The following PPP6R2 variants were observed in gnomAD, a reference collection of about 807,000 sequenced individuals.
The protein encoded by PPP6R2 is serine/threonine-protein phosphatase 6 regulatory subunit 2.
Under a neutral mutation model 100.2 loss-of-function variants are expected in PPP6R2, and 62 were observed. That is an observed-to-expected ratio of 0.62 (90% CI 0.50 to 0.76). The LOEUF (loss-of-function observed/expected upper bound fraction) is 0.76. Ranked by LOEUF, PPP6R2 falls within the 30% of genes least tolerant of loss-of-function variation. The probability of loss-of-function intolerance (pLI) is 0.00; values close to 1 mark genes in which losing one functional copy is unlikely to be tolerated. For missense variants in PPP6R2, 1,142 were observed against 1,276.3 expected, an observed-to-expected ratio of 0.89 and a Z score of 1.60; for synonymous variants, 525 against 514.7, an observed-to-expected ratio of 1.02 and a Z score of -0.27.
At chr22:50,336,116 C>T in the PPP6R2 span, among the ~76,000 whole-genome samples, 1 of 151,814 alleles carries the variant, frequency 6.6e-6, no homozygotes, top group East Asian at 1.9e-4. Context: ...TCCTGAGTAG[C>T]TGGGATTACA....
chr22:50,426,851 A>G (rs1158477813), intron 10 of PPP6R2, among the ~76,000 whole-genome samples: 1 of 146,810 alleles, frequency 6.8e-6, no homozygotes, highest in African/African-American at 2.5e-5. Flanking sequence ...AAAAAAAAAA[A>G]CACCGTCCTT....
At chr22:50,421,084 CTT>C (rs1363024336) in intron 8 of PPP6R2, among the ~76,000 whole-genome samples, 5 of 151,928 alleles carry the variant, frequency 3.3e-5, no homozygotes, top group East Asian at 1.9e-4. Flanking sequence ...TTAGGACTCT[CTT>C]TCTCTCTCTC....
chr22:50,350,123 GA>G (rs983380327), intron 1 of PPP6R2, among the ~76,000 whole-genome samples: 5 of 149,964 alleles, frequency 3.3e-5, no homozygotes, highest in African/African-American at 7.3e-5. Context: ...GTCTCAAAAA[GA>G]AAAAAAAAGA....
chr22:50,341,320 C>T (rs1193308728), upstream of PPP6R2, among the ~76,000 whole-genome samples: 2 of 152,158 alleles, frequency 1.3e-5, no homozygotes, highest in Non-Finnish European at 2.9e-5. Context: ...ATCCTCCCGC[C>T]TCAGTCGGCC....
At chr22:50,390,194 G>A (rs2148819944) in intron 2 of PPP6R2, among the ~76,000 whole-genome samples, 1 of 151,896 alleles carries the variant, frequency 6.6e-6, no homozygotes, top group South Asian at 2.1e-4. Flanking sequence ...GTTTCACCAT[G>A]TTGGTCAGGC....
At chr22:50,428,947 A>G (rs541936053) in intron 10 of PPP6R2, among the ~76,000 whole-genome samples, 9 of 152,182 alleles carry the variant, frequency 5.9e-5, no homozygotes, top group East Asian at 1.9e-4. Context: ...GTTGTCAGCT[A>G]TGGGCTTTTC....
chr22:50,424,374 A>C (rs1229749037), intron 10 of PPP6R2, among the ~76,000 whole-genome samples: 1 of 151,370 alleles, frequency 6.6e-6, no homozygotes, highest in Non-Finnish European at 1.5e-5. Flanking sequence ...CGCGTGTGGA[A>C]GGTCCGTCCG....
chr22:50,381,821 T>G (rs2053109599), intron 2 of PPP6R2, among the ~76,000 whole-genome samples: 1 of 149,946 alleles, frequency 6.7e-6, no homozygotes, highest in Non-Finnish European at 1.5e-5. Flanking sequence ...GACAGGAGAA[T>G]GGCGTGAACC....
intron 1 of PPP6R2, among the ~76,000 whole-genome samples, chr22:50,370,845 G>A (rs1231990754): frequency 6.6e-6 from 1 of 151,660 alleles, no homozygotes; most frequent in Non-Finnish European, 1.5e-5. Flanking sequence ...TGTTGGCCAG[G>A]CTAATCTTGA....
At chr22:50,382,438 A>AAT (rs2053304847) in intron 2 of PPP6R2, among the ~76,000 whole-genome samples, 2 of 151,998 alleles carry the variant, frequency 1.3e-5, no homozygotes, top group African/African-American at 4.8e-5. Flanking sequence ...CTCTACTAAA[A>AAT]ATACAAAAAC....
intron 10 of PPP6R2, among the ~76,000 whole-genome samples, chr22:50,427,002 C>T (rs898074439): frequency 6.6e-6 from 1 of 151,792 alleles, no homozygotes; most frequent in Non-Finnish European, 1.5e-5. Flanking sequence ...TCCTGGCCAA[C>T]ATAGTGAAAC....
intron 1 of PPP6R2, among the ~76,000 whole-genome samples, chr22:50,367,748 T>C (rs1409891497): frequency 1.3e-5 from 2 of 152,180 alleles, no homozygotes; most frequent in Non-Finnish European, 2.9e-5. Flanking sequence ...GGTCCAGCCC[T>C]ACAGGGCCTG....
intron 1 of PPP6R2, among the ~76,000 whole-genome samples, chr22:50,348,525 A>G (rs1272708102): frequency 2.6e-5 from 4 of 152,198 alleles, no homozygotes; most frequent in African/African-American, 9.7e-5. Context: ...ATGGGTGGAT[A>G]GTAGCACTGT....
intron 3 of PPP6R2, among the ~76,000 whole-genome samples, chr22:50,405,574 C>T (rs1421688724): frequency 1.7e-4 from 11 of 64,652 alleles, no homozygotes; most frequent in Admixed American, 3.5e-4. Context: ...GCCTGGCAGG[C>T]GAGTGTGAAG....
chr22:50,353,910 A>C (rs1283296057), intron 1 of PPP6R2, among the ~76,000 whole-genome samples: 1 of 152,118 alleles, frequency 6.6e-6, no homozygotes, highest in South Asian at 2.1e-4. Context: ...GGAAGAACAA[A>C]GAAAATTAAA....
At chr22:50,404,847 G>A (rs2058603458) in intron 3 of PPP6R2, among the ~76,000 whole-genome samples, 1 of 152,104 alleles carries the variant, frequency 6.6e-6, no homozygotes, top group African/African-American at 2.4e-5. Flanking sequence ...GCTCCCACTG[G>A]GTGGGCCCTG....
intron 2 of PPP6R2, 24 bp from the exon 3 acceptor site, chr22:50,393,869 T>C: frequency 6.2e-7 from 1 of 1,613,080 alleles, no homozygotes; most frequent in Non-Finnish European, 8.5e-7. Context: ...GTGAGAGACG[T>C]GACCCCTTTG....
At chr22:50,399,439 C>G (rs12163126) in intron 3 of PPP6R2, among the ~76,000 whole-genome samples, 16,458 of 152,308 alleles carry the variant, frequency 0.11, 1,292 homozygotes, top group East Asian at 0.41. Flanking sequence ...TGCTTCGCGA[C>G]TCTGCTATCC....
intron 10 of PPP6R2, among the ~76,000 whole-genome samples, chr22:50,427,913 G>A (rs2062461302): frequency 6.6e-6 from 1 of 152,146 alleles, no homozygotes; most frequent in Admixed American, 6.6e-5. Context: ...GTAGAGACAG[G>A]GTTTCACCAT....
Sources: allele counts gnomAD v4.1 joint callset (sites outside exome capture counted in the v4.1 genomes callset), GRCh38; gene constraint gnomAD v4.1.1; transcripts MANE v1.5; gene names NCBI Gene and HGNC (gene_info 2026-07-23, HGNC 2026-07-21).